The following RBFOX1 variants were observed in gnomAD, a reference collection of about 807,000 sequenced individuals.
RBFOX1 encodes RNA binding protein fox-1 homolog 1.
RBFOX1 carries 8 observed loss-of-function variants against 57.7 expected under a neutral mutation model. The ratio of observed to expected loss-of-function variants is 0.14; its 90% CI spans 0.08 to 0.25. The LOEUF (loss-of-function observed/expected upper bound fraction) is 0.25, where lower values mean the gene tolerates loss of function less well. Among genes scored for constraint, RBFOX1 ranks in the 10% least tolerant of loss-of-function variants. The probability of loss-of-function intolerance (pLI) is 1.00; values close to 1 mark genes in which losing one functional copy is unlikely to be tolerated. For missense variants in RBFOX1, 611 were observed against 548.5 expected (o/e 1.11, Z -1.14); for synonymous variants, 326 against 222.4 (o/e 1.47, Z -4.15).
At chr16:5,889,358 A>G (rs2057987578) in intron 4 of RBFOX1, among the ~76,000 whole-genome samples, 1 of 152,136 alleles carries the variant, frequency 6.6e-6, no homozygotes, top group African/African-American at 2.4e-5. Flanking sequence ...GGCTGAGGAT[A>G]ATGGCTTCCA....
chr16:6,183,524 A>AAATG (rs1555540947), intron 1 of RBFOX1, among the ~76,000 whole-genome samples: 9 of 150,494 alleles, frequency 6.0e-5, no homozygotes, highest in East Asian at 5.8e-4. Flanking sequence ...ATAAATAAAT[A>AAATG]AATGTAAGGA....
chr16:7,378,220 G>A (rs1166063035), intron 4 of RBFOX1, among the ~76,000 whole-genome samples: 1 of 152,190 alleles, frequency 6.6e-6, no homozygotes, highest in East Asian at 1.9e-4. Flanking sequence ...GCTGCGATGA[G>A]TGTGTACACA....
intron 3 of RBFOX1, among the ~76,000 whole-genome samples, chr16:6,841,861 G>A (rs970446038): frequency 4.7e-4 from 72 of 152,034 alleles, no homozygotes; most frequent in African/African-American, 1.6e-3. Flanking sequence ...CCAACAGGCC[G>A]GGCGCGGTGG....
intron 2 of RBFOX1, among the ~76,000 whole-genome samples, chr16:5,489,442 A>T (rs1338112454): frequency 6.6e-6 from 1 of 152,176 alleles, no homozygotes; most frequent in Non-Finnish European, 1.5e-5. Flanking sequence ...ACAGTTCTGA[A>T]ACTGGATAGA....
intron 1 of RBFOX1, among the ~76,000 whole-genome samples, chr16:6,078,383 T>A (rs144955250): frequency 0.01 from 1,529 of 152,122 alleles, 10 homozygotes; most frequent in Non-Finnish European, 0.017. Context: ...TAAATTTTCT[T>A]ACAACCTTAT....
chr16:5,554,208 T>A (rs1250872582), intron 2 of RBFOX1, among the ~76,000 whole-genome samples: 2 of 152,058 alleles, frequency 1.3e-5, no homozygotes, highest in Non-Finnish European at 2.9e-5. Flanking sequence ...TGACCTCAAG[T>A]GATCTGCCCA....
chr16:5,966,814 G>C (rs961265493), intron 4 of RBFOX1, among the ~76,000 whole-genome samples: 1 of 151,980 alleles, frequency 6.6e-6, no homozygotes, highest in African/African-American at 2.4e-5. Flanking sequence ...ATTTGGGTAG[G>C]GGGGCAGATC....
intron 3 of RBFOX1, among the ~76,000 whole-genome samples, chr16:5,778,804 A>T (rs1213629684): frequency 6.6e-6 from 1 of 152,196 alleles, no homozygotes; most frequent in African/African-American, 2.4e-5. Flanking sequence ...GCAAGCTCAG[A>T]TAAAAGTTAC....
chr16:6,255,880 G>C (rs370810274), intron 1 of RBFOX1, among the ~76,000 whole-genome samples: 2 of 151,552 alleles, frequency 1.3e-5, no homozygotes, highest in Non-Finnish European at 2.9e-5. Context: ...GTCACACACC[G>C]GGGCCTGTAC....
intron 2 of RBFOX1, among the ~76,000 whole-genome samples, chr16:5,517,800 A>T (rs987837645): frequency 3.3e-5 from 5 of 152,178 alleles, no homozygotes; most frequent in African/African-American, 1.2e-4. Flanking sequence ...GTGGTGCTGG[A>T]TATATGGTGT....
intron 1 of RBFOX1, among the ~76,000 whole-genome samples, chr16:5,337,645 G>T (rs1397903349): frequency 6.6e-6 from 1 of 152,156 alleles, no homozygotes; most frequent in Non-Finnish European, 1.5e-5. Context: ...TTACCTCTAG[G>T]TATGTAAGAC....
chr16:5,773,994 C>T (rs576613956), intron 3 of RBFOX1, among the ~76,000 whole-genome samples: 6 of 152,236 alleles, frequency 3.9e-5, no homozygotes, highest in African/African-American at 1.4e-4. Context: ...GCTTGGCCTG[C>T]ATTTTTTCTC....
intron 1 of RBFOX1, among the ~76,000 whole-genome samples, chr16:5,354,644 T>G (rs181770343): frequency 1.3e-5 from 2 of 152,266 alleles, no homozygotes; most frequent in African/African-American, 4.8e-5. Context: ...TCTGCCCAGC[T>G]CCTTTATTCC....
At chr16:7,191,738 G>T (rs988946869) in intron 4 of RBFOX1, among the ~76,000 whole-genome samples, 4 of 152,192 alleles carry the variant, frequency 2.6e-5, no homozygotes, top group African/African-American at 7.2e-5. Flanking sequence ...AAAGAAGGGG[G>T]TTAGAGCGAA....
intron 2 of RBFOX1, among the ~76,000 whole-genome samples, chr16:5,554,104 G>T (rs1374740895): frequency 4.6e-5 from 7 of 151,832 alleles, no homozygotes; most frequent in Admixed American, 4.6e-4. Context: ...CCGAGTAGCT[G>T]GGATTAGAGG....
At chr16:6,455,808 T>C (rs1201316676) in intron 2 of RBFOX1, among the ~76,000 whole-genome samples, 1 of 152,206 alleles carries the variant, frequency 6.6e-6, no homozygotes, top group African/African-American at 2.4e-5. Context: ...AAAAGGGTTT[T>C]AGATGGCTTA....
In RBFOX1 at chr16:7,572,683, C is replaced by CA. The variant is rs1282278630; in HGVS notation, c.271-7088dup. ...TGAAACCCTGTCTCTACTAAAAATA[C>CA]AAAAAATTAGCTGGGCGTAGTGGCT... On this transcript the variant is annotated intron_variant, in intron 5 of 15. Coordinates refer to ENST00000550418, the MANE Select transcript of RBFOX1 (RefSeq NM_018723.4). 2.6e-5 allele frequency among the ~76,000 whole-genome samples: 4 copies of CA among 152,058 alleles called. No individual in the cohort carries two copies. In the East Asian group the frequency reaches 5.8e-4, roughly 22 times the overall value.
intron 2 of RBFOX1, among the ~76,000 whole-genome samples, chr16:6,539,806 G>GACACACACACACACACACACAGAC: frequency 7.3e-6 from 1 of 136,328 alleles, no homozygotes; most frequent in East Asian, 2.7e-4. Context: ...TCAAAACACA[G>GACACACACACACACACACACAGAC]ACACACACAC....
chr16:5,599,388 A>G (rs1279260419), exon 3 of RBFOX1: 1 of 591,768 alleles, frequency 1.7e-6, no homozygotes, highest in Non-Finnish European at 3.0e-6. Flanking sequence ...GTCCTGCATC[A>G]TGGCATTGGG....
Sources: allele counts gnomAD v4.1 joint callset (sites outside exome capture counted in the v4.1 genomes callset), GRCh38; gene constraint gnomAD v4.1.1; transcripts MANE v1.5; gene names NCBI Gene and HGNC (gene_info 2026-07-23, HGNC 2026-07-21).